OTOF: variants seen among roughly 807,000 people sequenced by gnomAD.
OTOF encodes otoferlin.
In OTOF, 218 loss-of-function variants were observed where a neutral mutation model predicts 236.8. The ratio of observed to expected loss-of-function variants is 0.92; its 90% CI spans 0.82 to 1.03. The LOEUF (loss-of-function observed/expected upper bound fraction) is 1.03. Ranked by LOEUF, OTOF falls within the 50% of genes least tolerant of loss-of-function variation. The probability of loss-of-function intolerance (pLI) is 0.00; values close to 1 mark genes in which losing one functional copy is unlikely to be tolerated. For missense variants in OTOF, 2,590 were observed against 2,694.4 expected (o/e 0.96, Z 0.86); for synonymous variants, 1,041 against 1,072.5 (o/e 0.97, Z 0.57).
In OTOF at chr2:26,484,526, T is replaced by C. The variant is rs781738628; in HGVS notation, c.1153A>G (p.Asn385Asp). The stretch of plus-strand genomic sequence containing the variant: ...TTGGCCTTGTGGGGCGTCTTGATGT[T>C]GTCCCCTTTGCCCACCACGGCAACG... ...CDVAVVGKGDNIKTPHKANET... is the reference protein window; with the variant it reads ...CDVAVVGKGDDIKTPHKANET... Residue 385 changes from asparagine to aspartate, a missense_variant, in exon 12 of 47, where the codon AAC becomes GAC. This residue lies in a region of OTOF where 1,379 missense variants were observed against 1,341.6 expected (regional missense o/e 1.03). Coordinates refer to ENST00000272371, the MANE Select transcript of OTOF (RefSeq NM_194248.3). The C allele has an allele frequency of 6.8e-6, 11 of 1,614,020 alleles. No individual in the cohort carries two copies. In the South Asian group the frequency reaches 9.9e-5, roughly 14 times the overall value.
chr2:26,476,371 G>A, intron 22 of OTOF, 54 bp from the exon 23 acceptor site: 2 of 1,542,300 alleles, frequency 1.3e-6, no homozygotes, highest in South Asian at 2.2e-5. Flanking sequence ...GGCCCAAGAG[G>A]TGGGGAAGGG....
chr2:26,557,152 G>C (rs568209067), intron 1 of OTOF, among the ~76,000 whole-genome samples: 6 of 152,328 alleles, frequency 3.9e-5, no homozygotes, highest in African/African-American at 1.2e-4. Context: ...CCTCTGGGTA[G>C]GTGATGTGGG....
chr2:26,490,129 G>GA (rs1175078386), intron 9 of OTOF, among the ~76,000 whole-genome samples: 1 of 152,206 alleles, frequency 6.6e-6, no homozygotes, highest in Non-Finnish European at 1.5e-5. Context: ...CTGAACCTCA[G>GA]TTTTTTGAGC....
rs747707655 is a variant in OTOF, at chr2:26,463,998, G to A, written c.5069C>T (p.Pro1690Leu). Residue 1690 changes from proline to leucine, a missense_variant, in exon 40 of 47, where the codon CCG becomes CTG. Physicochemically the swap from Pro to Leu is moderately conservative, Grantham distance 98. This residue lies in a region of OTOF where 1,211 missense variants were observed against 1,352.8 expected (regional missense o/e 0.90). Transcript: ENST00000272371. The stretch of plus-strand genomic sequence containing the variant: ...GCCCGGCTTGTCGGGGTTGAGCAGC[G>A]GCCTCGTCTCCACATGCTCTGGCAC... ...RLVPEHVETR[P>L]LLNPDKPGIE... 9 of 1,613,610 alleles carry A rather than the reference G, an allele frequency of 5.6e-6. No homozygotes were observed. The highest frequency in any genetic ancestry group is 4.0e-5 in the African/African-American group (3 of 74,920).
intron 25 of OTOF, 96 bp downstream of exon 25, chr2:26,475,263 C>A (rs996617231): frequency 1.7e-5 from 24 of 1,406,266 alleles, no homozygotes; most frequent in Non-Finnish European, 2.4e-5. Context: ...AGGTGGGTGG[C>A]GGAGGTGAGG....
rs564841365 is a variant in OTOF at position 26,520,171 on chromosome 2, C to T, written c.228-1062G>A. On this transcript the variant is annotated intron_variant, in intron 3 of 46. Transcript: ENST00000272371. Reference sequence around the variant, plus strand: ...TCCACATAGAGTGGATTAGAATACACACACCATTTCTAGCTGAAGGCACAA... The same window carrying T: ...TCCACATAGAGTGGATTAGAATACATACACCATTTCTAGCTGAAGGCACAA... Among the ~76,000 whole-genome samples the T allele has an allele frequency of 2.0e-5, 3 of 152,298 alleles. No individual in the cohort carries two copies. The East Asian group carries it at 5.8e-4, about 29-fold the overall frequency.
intron 31 of OTOF, 106 bp downstream of exon 31, chr2:26,471,015 G>GGGGGCT: frequency 2.8e-6 from 4 of 1,417,230 alleles, no homozygotes; most frequent in African/African-American, 1.4e-5. Context: ...CCAAGCATGC[G>GGGGGCT]GGGGCTGGGG....
chr2:26,497,418 GGTT>G (rs1266780953), intron 8 of OTOF, among the ~76,000 whole-genome samples: 1 of 152,152 alleles, frequency 6.6e-6, no homozygotes, highest in African/African-American at 2.4e-5. Context: ...CGACTCCGAA[GGTT>G]GCTTTTCATG....
rs563366793 is a variant in OTOF at position 26,465,570 on chromosome 2, C to A, written c.4799+102G>T. 4 of 1,328,920 alleles carry A rather than the reference C, an allele frequency of 3.0e-6. No individual in the cohort carries two copies. The East Asian group carries it at 9.4e-5, about 31-fold the overall frequency. 82.3% of individuals were successfully genotyped at this position (1,328,920 alleles called of 1,614,324 possible). ...GCAGAGGCCTGGCCTGGGACAGAAA[C>A]CACAATGTCTAACCTCTCAAATCAC... On this transcript the variant is annotated intron_variant, in intron 38 of 46. Coordinates refer to ENST00000272371, the MANE Select transcript of OTOF (RefSeq NM_194248.3).
chr2:26,483,920 A>G (rs1390438151), intron 12 of OTOF, among the ~76,000 whole-genome samples: 2 of 152,198 alleles, frequency 1.3e-5, no homozygotes, highest in African/African-American at 2.4e-5. Flanking sequence ...GCTAAAACAT[A>G]TGAGTGCTTT....
intron 5 of OTOF, among the ~76,000 whole-genome samples, chr2:26,514,806 G>A (rs1306341094): frequency 6.6e-6 from 1 of 152,142 alleles, no homozygotes; most frequent in East Asian, 1.9e-4. Context: ...TGTGACTGAT[G>A]GCCCTTGTGT....
At chr2:26,524,282 T>A (rs943303327) in intron 3 of OTOF, among the ~76,000 whole-genome samples, 1 of 152,146 alleles carries the variant, frequency 6.6e-6, no homozygotes, top group Non-Finnish European at 1.5e-5. Flanking sequence ...CTGAGGCAGG[T>A]CTATTACCTG....
rs577592044 is a variant in OTOF at position 26,553,104 on chromosome 2, G to A, written c.79+5389C>T. ...TAAATGTAATGTGGAGTCAGAGGTG[G>A]AGCCTGCAGCCAACAGTAGGGGGAC... On this transcript the variant is annotated intron_variant, in intron 1 of 46. Coordinates refer to ENST00000272371, the MANE Select transcript of OTOF (RefSeq NM_194248.3). Among the ~76,000 whole-genome samples the A allele has an allele frequency of 1.7e-4, 26 of 152,270 alleles. No individual in the cohort carries two copies. The East Asian group carries it at 4.4e-3, about 26-fold the overall frequency.
rs1665944395 is a variant in OTOF at position 26,494,981 on chromosome 2, T to C, written c.858A>G (p.Thr286=). 6.2e-7 allele frequency: 1 copy of C among 1,614,088 alleles called. No individual in the cohort carries two copies. The highest frequency in any genetic ancestry group is 1.1e-5 in the South Asian group (1 of 91,070). ...GGCAGTTAGTGGACTCCTTCATGGA[T>C]GTGTACTTCTTGTCGTCACCCACCT... ...CVEVGDDKKY[T]SMKESTNCPY... is the part of the protein sequence containing the mutation. Residue 286 remains threonine (T), a synonymous_variant, in exon 9 of 47, where the codon ACA becomes ACG. Coordinates refer to ENST00000272371, the MANE Select transcript of OTOF (RefSeq NM_194248.3).
Position 26,518,940 on chromosome 2 carries a change from G to T in OTOF, c.327+70C>A, listed in dbSNP as rs78296411. On this transcript the variant is annotated intron_variant, in intron 4 of 46. Transcript: ENST00000272371. ...GCATTCCCCAGACCACCCCATGTGT[G>T]AGGCAGGGAGAACAGACCCCCAGAT... The T allele has an allele frequency of 8.9e-3, 9,650 of 1,081,214 alleles. 520 individuals are homozygous for T. The African/African-American group carries it at 0.12, about 14-fold the overall frequency. 67.0% of individuals were successfully genotyped at this position (1,081,214 alleles called of 1,614,324 possible).
intron 8 of OTOF, among the ~76,000 whole-genome samples, chr2:26,495,847 A>G (rs1665969405): frequency 6.6e-6 from 1 of 152,250 alleles, no homozygotes; most frequent in African/African-American, 2.4e-5. Context: ...GCACTCAGGA[A>G]TAAAGCTTTC....
chr2:26,480,733 G>A (rs1429367958), intron 15 of OTOF, 53 bp downstream of exon 15: 4 of 1,468,020 alleles, frequency 2.7e-6, no homozygotes, highest in Non-Finnish European at 2.8e-6. Context: ...GACTCAGGGA[G>A]AAGGGGGCTG....
At chr2:26,542,644 T>C (rs1418217606) in intron 1 of OTOF, among the ~76,000 whole-genome samples, 3 of 152,032 alleles carry the variant, frequency 2.0e-5, no homozygotes, top group African/African-American at 7.2e-5. Flanking sequence ...GAGAACAGTG[T>C]AAGGAAATGT....
At chr2:26,533,236 C>T (rs112342225) in intron 2 of OTOF, among the ~76,000 whole-genome samples, 12 of 152,300 alleles carry the variant, frequency 7.9e-5, no homozygotes, top group Non-Finnish European at 1.6e-4. Flanking sequence ...CAAATAACCC[C>T]CAGCCACCAC....
Sources: gnomAD v4.1 joint callset for allele counts (sites outside exome capture counted in the v4.1 genomes callset) on GRCh38, gnomAD v4.1.1 for gene constraint, gnomAD v4.1.1 regional missense constraint, MANE v1.5 for transcripts, NCBI Gene and HGNC (gene_info 2026-07-23, HGNC 2026-07-21) for gene names.